The following ZHX3 variants were observed in gnomAD, a reference collection of about 807,000 sequenced individuals.
ZHX3 encodes zinc fingers and homeoboxes protein 3.
In ZHX3, 20 loss-of-function variants were observed where a neutral mutation model predicts 64.5. That is an observed-to-expected ratio of 0.31 (90% CI 0.22 to 0.45). ZHX3 has a LOEUF of 0.45. ZHX3 is among the 20% of genes least tolerant of loss of function. ZHX3 has a pLI of 1.00. For synonymous variants in ZHX3, 423 were observed against 461.6 expected, an observed-to-expected ratio of 0.92 and a Z score of 1.07; for missense variants, 1,041 against 1,195.8, an observed-to-expected ratio of 0.87 and a Z score of 1.91.
intron 2 of ZHX3, among the ~76,000 whole-genome samples, chr20:41,236,301 C>T (rs1321647373): frequency 6.6e-6 from 1 of 152,152 alleles, no homozygotes; most frequent in African/African-American, 2.4e-5. Context: ...CAAAAAAGAG[C>T]CCGCATTGCC....
intron 1 of ZHX3, among the ~76,000 whole-genome samples, chr20:41,307,743 G>A (rs1317538541): frequency 6.6e-6 from 1 of 152,182 alleles, no homozygotes; most frequent in African/African-American, 2.4e-5. Flanking sequence ...TCAAGATCCA[G>A]TCTGAATACA....
intron 1 of ZHX3, among the ~76,000 whole-genome samples, chr20:41,277,330 C>T (rs2043432442): frequency 6.6e-6 from 1 of 152,160 alleles, no homozygotes; most frequent in South Asian, 2.1e-4. Context: ...CAACTATATA[C>T]TTTTTTAAAA....
intron 2 of ZHX3, among the ~76,000 whole-genome samples, chr20:41,251,100 A>G (rs2041969832): frequency 6.6e-6 from 1 of 152,234 alleles, no homozygotes; most frequent in Non-Finnish European, 1.5e-5. Context: ...GAAATGATTA[A>G]AAGAATTCTG....
At chr20:41,186,255 A>AT in intron 3 of ZHX3, among the ~76,000 whole-genome samples, 1 of 152,136 alleles carries the variant, frequency 6.6e-6, no homozygotes, top group Non-Finnish European at 1.5e-5. Context: ...ATGGTACAAT[A>AT]TTTGTCTTTT....
intron 2 of ZHX3, among the ~76,000 whole-genome samples, chr20:41,241,977 CT>C (rs1205395090): frequency 6.6e-6 from 1 of 151,918 alleles, no homozygotes; most frequent in Admixed American, 6.6e-5. Context: ...TCAGATTATC[CT>C]CTGAGTGTGC....
chr20:41,195,241 G>C lies in ZHX3; in HGVS notation c.2860+6816C>G, dbSNP rs377537150. On this transcript the variant is annotated intron_variant, in intron 3 of 3. Transcript: ENST00000683867. The surrounding 1 kb of genome is among the most constrained non-coding windows in gnomAD (Gnocchi z 4.2). ...AACAATCCTCCCACCCCAGACACCTGAGTAGCTGGCACTACAGGAACATGC... is the reference window on the plus strand; with the variant it reads ...AACAATCCTCCCACCCCAGACACCTCAGTAGCTGGCACTACAGGAACATGC... Among the ~76,000 whole-genome samples, 5 of 151,976 alleles carry C rather than the reference G, an allele frequency of 3.3e-5. No individual in the cohort carries two copies. The South Asian group carries it at 8.3e-4, about 25-fold the overall frequency.
chr20:41,208,459 C>T (rs1489084950), intron 2 of ZHX3, among the ~76,000 whole-genome samples: 2 of 152,126 alleles, frequency 1.3e-5, no homozygotes, highest in South Asian at 2.1e-4. Flanking sequence ...ACTGGCAAAT[C>T]GAATCCAGCA....
rs1174051879 is a variant in ZHX3 at position 41,203,912 on chromosome 20, G to T, written c.1005C>A (p.Cys335Ter). ...KFPYPTKAELCYLTVVTKYPE... is the reference protein window; with the variant it reads ...KFPYPTKAEL ...GATACTTGGTCACCACAGTCAAATA[G>T]CAGAGCTCGGCTTTGGTGGGGTAGG... The change falls in exon 3 of 4, where the codon TGC becomes TGA. Residue 335 changes from cysteine to a stop codon, truncating the protein, a stop_gained. Transcript: ENST00000683867. LOFTEE classifies it high-confidence loss of function. The surrounding 1 kb of genome is among the most constrained non-coding windows in gnomAD (Gnocchi z 7.1). The T allele has an allele frequency of 6.2e-7, 1 of 1,614,232 alleles. No homozygotes were observed. The highest frequency in any genetic ancestry group is 1.7e-5 in the Admixed American group (1 of 60,030).
At chr20:41,230,710 G>A (rs1358602653) in intron 2 of ZHX3, among the ~76,000 whole-genome samples, 1 of 152,086 alleles carries the variant, frequency 6.6e-6, no homozygotes, top group Non-Finnish European at 1.5e-5. Flanking sequence ...GTGTTTCTTA[G>A]TAGGCTATTT....
At chr20:41,284,402 C>T (rs2043835405) in intron 1 of ZHX3, among the ~76,000 whole-genome samples, 1 of 152,132 alleles carries the variant, frequency 6.6e-6, no homozygotes. Flanking sequence ...TTGGATGGCC[C>T]ACTACCTCCT....
At chr20:41,285,964 C>T (rs1012211425) in intron 1 of ZHX3, among the ~76,000 whole-genome samples, 7 of 152,218 alleles carry the variant, frequency 4.6e-5, no homozygotes, top group South Asian at 2.1e-4. Flanking sequence ...AAACTATCAG[C>T]GAAGAGTTCT....
At chr20:41,186,288 C>T (rs935199006) in intron 3 of ZHX3, among the ~76,000 whole-genome samples, 1 of 152,144 alleles carries the variant, frequency 6.6e-6, no homozygotes. Flanking sequence ...TCTCACTTAG[C>T]AAAAATGTTT....
intron 1 of ZHX3, among the ~76,000 whole-genome samples, chr20:41,293,021 G>A (rs974939419): frequency 2.6e-5 from 4 of 152,216 alleles, no homozygotes; most frequent in African/African-American, 9.6e-5. Flanking sequence ...CTAGTGAGAT[G>A]GGAGACGCAC....
At chr20:41,300,767 C>G (rs900955767) in intron 1 of ZHX3, among the ~76,000 whole-genome samples, 2 of 152,064 alleles carry the variant, frequency 1.3e-5, no homozygotes, top group Admixed American at 1.3e-4. Context: ...GCCAGGAGGA[C>G]CAACTGGAAA....
chr20:41,265,295 C>T (rs1199816023), intron 2 of ZHX3, among the ~76,000 whole-genome samples: 1 of 151,830 alleles, frequency 6.6e-6, no homozygotes, highest in Admixed American at 6.6e-5. Flanking sequence ...CCCCGCCACC[C>T]GGGTTCAAGC....
At chr20:41,196,515 T>TTTATATAAATATATATTATATATTATAAA (rs2037668326) in intron 3 of ZHX3, 1 of 10,382 alleles carries the variant, frequency 9.6e-5, no homozygotes, top group Non-Finnish European at 2.1e-4. Context: ...TAAATATATA[T>TTTATATAAATATATATTATATATTATAAA]TATATATTAT....
At chr20:41,220,987 C>A (rs962561348) in intron 2 of ZHX3, among the ~76,000 whole-genome samples, 2 of 151,982 alleles carry the variant, frequency 1.3e-5, no homozygotes, top group Non-Finnish European at 2.9e-5. Flanking sequence ...TGTGCCCAGC[C>A]GACACATTTT....
chr20:41,193,113 A>C lies in ZHX3; in HGVS notation c.2861-7912T>G, dbSNP rs79163309. On this transcript the variant is annotated intron_variant, in intron 3 of 3. Coordinates refer to ENST00000683867, the MANE Select transcript of ZHX3 (RefSeq NM_001384317.1). ...TTCAAAGTGTGATTATCTACTCTCTATTTTTGTTCTTAATGGAAGAGGCGA... is the reference window on the plus strand; with the variant it reads ...TTCAAAGTGTGATTATCTACTCTCTCTTTTTGTTCTTAATGGAAGAGGCGA... Among the ~76,000 whole-genome samples, 6,415 of 151,950 alleles carry C rather than the reference A, an allele frequency of 0.042. 765 individuals are homozygous for C. The East Asian group carries it at 0.49, about 12-fold the overall frequency.
chr20:41,307,675 C>T (rs901021268), intron 1 of ZHX3, among the ~76,000 whole-genome samples: 1 of 152,134 alleles, frequency 6.6e-6, no homozygotes, highest in Non-Finnish European at 1.5e-5. Context: ...ATAAATGATG[C>T]CTTAGTAAAC....
Sources: allele counts gnomAD v4.1 joint callset (sites outside exome capture counted in the v4.1 genomes callset), GRCh38; gene constraint gnomAD v4.1.1; non-coding constraint Gnocchi (gnomAD v3.1); transcripts MANE v1.5; gene names NCBI Gene and HGNC (gene_info 2026-07-23, HGNC 2026-07-21).